The following ADAMTS20 variants were observed in gnomAD, a reference collection of about 807,000 sequenced individuals.
ADAMTS20 encodes A disintegrin and metalloproteinase with thrombospondin motifs 20.
Under a neutral mutation model 260.1 loss-of-function variants are expected in ADAMTS20, and 225 were observed. The ratio of observed to expected loss-of-function variants is 0.87; its 90% CI spans 0.78 to 0.97. The LOEUF is 0.97. ADAMTS20 is among the 50% of genes least tolerant of loss of function. The pLI is 0.00. For missense variants in ADAMTS20, 2,400 were observed against 2,337.7 expected (o/e 1.03, Z -0.55); for synonymous variants, 802 against 769.5 (o/e 1.04, Z -0.70).
chr12:43,496,385 T>C (rs991605817), intron 4 of ADAMTS20, among the ~76,000 whole-genome samples: 1 of 152,236 alleles, frequency 6.6e-6, no homozygotes, highest in Non-Finnish European at 1.5e-5. Flanking sequence ...AGTCTGGCTT[T>C]AGAGCACTGA....
rs1940758361 is a variant in ADAMTS20 at position 43,399,112 on chromosome 12, C to T, written c.4406G>A (p.Cys1469Tyr). ...QVQKPPTHKA[C>Y]RSVRCPSWKA... ...CCATGAAGGGCATCTGACAGATCTA[C>T]AGGCTTTGTGAGTTGGAGGTTTCTG... Residue 1469 changes from cysteine (C) to tyrosine (Y), a missense_variant, in exon 29 of 39, where the codon TGT (cysteine) becomes TAT (tyrosine). By Grantham distance (194) the Cys-to-Tyr change is radical (BLOSUM62 -2). Transcript: ENST00000389420. 3 of 1,549,716 alleles carry T rather than the reference C, an allele frequency of 1.9e-6. No homozygotes were observed. Among genetic ancestry groups the T allele is most frequent in the East Asian group, 2.4e-5 (1 of 40,994 alleles).
chr12:43,393,575 T>A (rs1016275211), intron 29 of ADAMTS20, among the ~76,000 whole-genome samples: 1 of 152,050 alleles, frequency 6.6e-6, no homozygotes, highest in African/African-American at 2.4e-5. Flanking sequence ...TCATCAAGGC[T>A]GACTCACTCT....
intron 36 of ADAMTS20, among the ~76,000 whole-genome samples, chr12:43,374,593 G>C (rs1038416142): frequency 5.3e-5 from 8 of 152,058 alleles, no homozygotes; most frequent in African/African-American, 1.7e-4. Context: ...TGTATGAATG[G>C]AACAAATTGC....
At chr12:43,529,525 C>A (rs532441700) in intron 3 of ADAMTS20, among the ~76,000 whole-genome samples, 2 of 152,206 alleles carry the variant, frequency 1.3e-5, no homozygotes, top group East Asian at 3.9e-4. Flanking sequence ...AGCTGGGGGC[C>A]ATCATTCTAA....
intron 3 of ADAMTS20, among the ~76,000 whole-genome samples, chr12:43,527,315 A>C (rs1450861623): frequency 2.6e-5 from 4 of 152,192 alleles, no homozygotes; most frequent in Non-Finnish European, 1.5e-5. Context: ...AAAATTGAGA[A>C]ACAGGGAATC....
At chr12:43,409,628 A>AAAC (rs1940994130) in intron 28 of ADAMTS20, among the ~76,000 whole-genome samples, 2 of 141,746 alleles carry the variant, frequency 1.4e-5, no homozygotes, top group Admixed American at 7.1e-5. Context: ...AAAAAAAAAA[A>AAAC]AACAAGAAAA....
intron 15 of ADAMTS20, among the ~76,000 whole-genome samples, chr12:43,444,831 A>T (rs1941731166): frequency 6.6e-6 from 1 of 152,206 alleles, no homozygotes; most frequent in African/African-American, 2.4e-5. Context: ...GACAGTTCAA[A>T]AAGAGCTTAA....
intron 29 of ADAMTS20, among the ~76,000 whole-genome samples, chr12:43,387,637 C>G (rs1178052450): frequency 2.0e-5 from 3 of 152,204 alleles, no homozygotes; most frequent in African/African-American, 7.2e-5. Context: ...GGAGTTTTAT[C>G]TATAAGCTCC....
intron 29 of ADAMTS20, among the ~76,000 whole-genome samples, chr12:43,396,390 A>G (rs898044583): frequency 6.6e-6 from 1 of 152,202 alleles, no homozygotes; most frequent in Non-Finnish European, 1.5e-5. Context: ...TACAATCGGA[A>G]TAAAGCAACA....
At chr12:43,493,321 T>C in intron 4 of ADAMTS20, 68 bp from the exon 5 acceptor site, 1 of 1,147,318 alleles carries the variant, frequency 8.7e-7, no homozygotes, top group Non-Finnish European at 1.2e-6. Context: ...TAAGTTGAAA[T>C]AGTCACAGAG....
At chr12:43,431,518 T>G in intron 21 of ADAMTS20, 22 bp from the exon 22 acceptor site, 1 of 1,613,238 alleles carries the variant, frequency 6.2e-7, no homozygotes, top group East Asian at 2.2e-5. Flanking sequence ...AAACTGATCA[T>G]TATTTATTTG....
At chr12:43,544,398 G>C (rs1279496983) in intron 2 of ADAMTS20, among the ~76,000 whole-genome samples, 1 of 152,154 alleles carries the variant, frequency 6.6e-6, no homozygotes, top group Non-Finnish European at 1.5e-5. Context: ...CTCAACATGT[G>C]TTGAGCAATT....
chr12:43,381,933 T>C (rs1369158199), intron 31 of ADAMTS20, among the ~76,000 whole-genome samples: 1 of 152,024 alleles, frequency 6.6e-6, no homozygotes, highest in Non-Finnish European at 1.5e-5. Flanking sequence ...TACCATTTCA[T>C]ACATACTAGG....
At chr12:43,471,035 C>G (rs919981898) in intron 7 of ADAMTS20, among the ~76,000 whole-genome samples, 1 of 152,124 alleles carries the variant, frequency 6.6e-6, no homozygotes, top group East Asian at 1.9e-4. Flanking sequence ...GCGTGAGCGA[C>G]GCAGAAGACG....
intron 4 of ADAMTS20, among the ~76,000 whole-genome samples, chr12:43,499,711 G>T (rs1412699598): frequency 6.6e-6 from 1 of 151,996 alleles, no homozygotes; most frequent in Non-Finnish European, 1.5e-5. Context: ...CACCATGTTG[G>T]CCAGGATGGT....
At position 43,383,624 on chromosome 12, in the gene ADAMTS20, A is replaced by G. The variant is rs1301273635; in HGVS notation, c.4731T>C (p.Ser1577=). Residue 1577 remains serine, a synonymous_variant, in exon 31 of 39, where the codon TCT becomes TCC. Coordinates refer to ENST00000389420, the MANE Select transcript of ADAMTS20 (RefSeq NM_025003.5). ...GGTTCCTGCAATTCTTGGATGTAAGAGATATGGTTGAAGAATTATAGACTA... is the reference window on the plus strand; with the variant it reads ...GGTTCCTGCAATTCTTGGATGTAAGGGATATGGTTGAAGAATTATAGACTA... ...NEIVYNSSTI[S]LTSKNCRNPP... The G allele has an allele frequency of 6.2e-7, 1 of 1,613,816 alleles. No individual in the cohort carries two copies. The highest frequency in any genetic ancestry group is 8.5e-7 in the Non-Finnish European group (1 of 1,179,810).
At chr12:43,494,503 G>C (rs757438834) in intron 4 of ADAMTS20, among the ~76,000 whole-genome samples, 2 of 152,148 alleles carry the variant, frequency 1.3e-5, no homozygotes, top group Non-Finnish European at 2.9e-5. Context: ...ACATAATCCA[G>C]CATCTTTACT....
intron 3 of ADAMTS20, among the ~76,000 whole-genome samples, chr12:43,527,112 C>G (rs1219770801): frequency 6.6e-6 from 1 of 152,110 alleles, no homozygotes; most frequent in Non-Finnish European, 1.5e-5. Flanking sequence ...ATTCCTGGAA[C>G]CATACAACCA....
chr12:43,510,386 AATT>A (rs1942905912), intron 3 of ADAMTS20, among the ~76,000 whole-genome samples: 2 of 152,000 alleles, frequency 1.3e-5, no homozygotes, highest in South Asian at 4.1e-4. Flanking sequence ...TTTAAATTTA[AATT>A]ATTATTTTTA....
Sources: gnomAD v4.1 joint callset for allele counts (sites outside exome capture counted in the v4.1 genomes callset) on GRCh38, gnomAD v4.1.1 for gene constraint, MANE v1.5 for transcripts, NCBI Gene and HGNC (gene_info 2026-07-23, HGNC 2026-07-21) for gene names.